The following SERPINB7 variants were observed in gnomAD, a reference collection of about 807,000 sequenced individuals.
SERPINB7 encodes serpin family B member 7.
Under a neutral mutation model 37.4 loss-of-function variants are expected in SERPINB7, and 31 were observed. That is an observed-to-expected ratio of 0.83 (90% confidence interval 0.62 to 1.12). The LOEUF is 1.12. Among genes scored for constraint, SERPINB7 ranks in the 50% most tolerant of loss-of-function variants. The pLI is 0.00. For synonymous variants in SERPINB7, 163 were observed against 166.1 expected, an observed-to-expected ratio of 0.98 and a Z score of 0.14; for missense variants, 521 against 455.3, an observed-to-expected ratio of 1.14 and a Z score of -1.31.
At chr18:63,772,680 G>C (rs933073016), upstream of SERPINB7, among the ~76,000 whole-genome samples, 3 of 152,080 alleles carry the variant, frequency 2.0e-5, no homozygotes, top group East Asian at 5.8e-4. Context: ...AAACCTCCCT[G>C]TGTTTGTTCA....
In SERPINB7 at chr18:63,782,436, A is replaced by T. The variant is rs2049310269; in HGVS notation, c.64A>T (p.Asn22Tyr). Residue 22 changes from asparagine to tyrosine, a missense_variant, in exon 2 of 8, where the codon AAT becomes TAT. Transcript: ENST00000398019. ...CAACCTGTTCAGAGAGATGGATGACAATCAAGGAAATGGAAATGTGTTCTT... is the reference window on the plus strand; with the variant it reads ...CAACCTGTTCAGAGAGATGGATGACTATCAAGGAAATGGAAATGTGTTCTT... ...CFNLFREMDD[N>Y]QGNGNVFFSS... 21 of 1,614,212 alleles carry T rather than the reference A, an allele frequency of 1.3e-5. No homozygotes were observed. The highest frequency in any genetic ancestry group is 1.8e-5 in the Non-Finnish European group (21 of 1,180,026).
intron 2 of SERPINB7, among the ~76,000 whole-genome samples, chr18:63,786,210 GTATA>G (rs143561199): frequency 0.065 from 4,173 of 64,258 alleles, 591 homozygotes; most frequent in African/African-American, 0.13. Context: ...GCACATACGT[GTATA>G]TATATATATA....
intron 1 of SERPINB7, among the ~76,000 whole-genome samples, chr18:63,769,363 A>T (rs1450287112): frequency 6.6e-6 from 1 of 151,992 alleles, no homozygotes; most frequent in Non-Finnish European, 1.5e-5. Flanking sequence ...TTTCCCACTT[A>T]TTATAAAAGT....
intron 1 of SERPINB7, among the ~76,000 whole-genome samples, chr18:63,763,409 G>A (rs1434499379): frequency 6.6e-6 from 1 of 152,046 alleles, no homozygotes; most frequent in African/African-American, 2.4e-5. Flanking sequence ...AATCTAACAT[G>A]GTTTTATGTT....
chr18:63,765,701 T>A (rs1275838627), intron 1 of SERPINB7, among the ~76,000 whole-genome samples: 2 of 152,126 alleles, frequency 1.3e-5, no homozygotes, highest in East Asian at 3.9e-4. Context: ...TTCTTATATT[T>A]TAGATCCTGA....
intron 1 of SERPINB7, among the ~76,000 whole-genome samples, chr18:63,764,370 G>A (rs1351211502): frequency 6.6e-6 from 1 of 152,172 alleles, no homozygotes; most frequent in Non-Finnish European, 1.5e-5. Context: ...ACATATGAGT[G>A]ACAAAGTGGT....
intron 1 of SERPINB7, among the ~76,000 whole-genome samples, chr18:63,781,759 T>C (rs1466650932): frequency 6.6e-6 from 1 of 152,154 alleles, no homozygotes; most frequent in African/African-American, 2.4e-5. Flanking sequence ...ACTCTGATAA[T>C]CACACTTTGC....
At chr18:63,783,081 T>C (rs1391593220) in intron 2 of SERPINB7, among the ~76,000 whole-genome samples, 1 of 151,244 alleles carries the variant, frequency 6.6e-6, no homozygotes, top group Non-Finnish European at 1.5e-5. Context: ...GAGTTTGCAG[T>C]GAGCCGAGAT....
chr18:63,767,969 T>C (rs929890109), intron 1 of SERPINB7, among the ~76,000 whole-genome samples: 7 of 152,084 alleles, frequency 4.6e-5, no homozygotes, highest in South Asian at 2.1e-4. Context: ...ATTCCTAGTG[T>C]TTTTAAAAAA....
intron 1 of SERPINB7, among the ~76,000 whole-genome samples, chr18:63,779,010 T>C (rs1311200886): frequency 6.6e-6 from 1 of 152,302 alleles, no homozygotes; most frequent in East Asian, 1.9e-4. Context: ...CCAAGTTCTT[T>C]TATGATTTGA....
At chr18:63,784,836 A>G (rs2049348352) in intron 2 of SERPINB7, among the ~76,000 whole-genome samples, 1 of 152,192 alleles carries the variant, frequency 6.6e-6, no homozygotes, top group East Asian at 1.9e-4. Context: ...CTTGATTTTA[A>G]TGCAACAGAA....
chr18:63,773,597 T>G (rs1332833291), upstream of SERPINB7, among the ~76,000 whole-genome samples: 1 of 152,110 alleles, frequency 6.6e-6, no homozygotes, highest in Non-Finnish European at 1.5e-5. Context: ...TAAATCCCTC[T>G]TCAGCCCTGG....
chr18:63,801,003 C>A lies in SERPINB7; in HGVS notation c.735C>A (p.Asp245Glu), dbSNP rs781362028. 29 of 1,613,216 alleles carry A rather than the reference C, an allele frequency of 1.8e-5. No homozygotes were observed. Among genetic ancestry groups the A allele is most frequent in the Admixed American group, 6.7e-5 (4 of 59,880 alleles). Residue 245 changes from aspartate to glutamate, a missense_variant, in exon 7 of 8, where the codon GAC (aspartate) becomes GAA (glutamate). Asp to Glu is a conservative substitution (Grantham distance 45). Coordinates refer to ENST00000398019, the MANE Select transcript of SERPINB7 (RefSeq NM_003784.4). ...INMYVLLPEN[D>E]LSEIENKLTF... ...TGTACGTTCTGCTGCCTGAGAATGACCTCTCTGAAGTAAGTTACGACTGTC... is the reference window on the plus strand; with the variant it reads ...TGTACGTTCTGCTGCCTGAGAATGAACTCTCTGAAGTAAGTTACGACTGTC...
At chr18:63,790,605 A>C (rs2049416924) in intron 2 of SERPINB7, among the ~76,000 whole-genome samples, 1 of 152,190 alleles carries the variant, frequency 6.6e-6, no homozygotes, top group Admixed American at 6.5e-5. Flanking sequence ...AAGAAATATA[A>C]GGGATAATAT....
intron 1 of SERPINB7, among the ~76,000 whole-genome samples, chr18:63,780,229 C>T (rs746082913): frequency 1.3e-5 from 2 of 152,006 alleles, no homozygotes; most frequent in Non-Finnish European, 2.9e-5. Flanking sequence ...CAGCATGAAG[C>T]CTTGGAAATT....
chr18:63,804,371 C>T lies in SERPINB7; in HGVS notation c.879C>T (p.Ala293=). 2 of 1,613,670 alleles carry T rather than the reference C, an allele frequency of 1.2e-6. No individual in the cohort carries two copies. The change falls in exon 8 of 8, where the codon GCC becomes GCT. Residue 293 remains alanine (A), a synonymous_variant. Transcript: ENST00000398019. ...KNYEMKQYLR[A]LGLKDIFDES... is the part of the protein sequence containing the mutation. ...ATGAAATGAAACAATATTTGAGAGC[C>T]CTAGGGCTGAAAGATATCTTTGATG... is the stretch of plus-strand genomic sequence containing the variant.
chr18:63,775,251 G>C (rs981350675), upstream of SERPINB7: 1 of 152,112 alleles, frequency 6.6e-6, no homozygotes, highest in African/African-American at 2.4e-5. Context: ...TGGGAATATT[G>C]CCTCCTGAAA....
chr18:63,796,182 C>T (rs752779076), intron 4 of SERPINB7, 84 bp from the exon 5 acceptor site: 18 of 732,088 alleles, frequency 2.5e-5, no homozygotes, highest in African/African-American at 1.6e-4. Context: ...ATAAAGCAGT[C>T]GAAATTAAAA....
chr18:63,784,004 C>T (rs577515515), intron 2 of SERPINB7, among the ~76,000 whole-genome samples: 10 of 152,020 alleles, frequency 6.6e-5, no homozygotes, highest in Admixed American at 5.2e-4. Flanking sequence ...CGGTTTACAA[C>T]CTAGTACATA....
Sources: allele counts gnomAD v4.1 joint callset (sites outside exome capture counted in the v4.1 genomes callset), GRCh38; gene constraint gnomAD v4.1.1; transcripts MANE v1.5; gene names NCBI Gene and HGNC (gene_info 2026-07-23, HGNC 2026-07-21).